The following TTC28 variants were observed in gnomAD, a reference collection of about 807,000 sequenced individuals.
TTC28 encodes the protein tetratricopeptide repeat protein 28.
Under a neutral mutation model 198.0 loss-of-function variants are expected in TTC28, and 61 were observed. That is an observed-to-expected ratio of 0.31 (90% confidence interval 0.25 to 0.38). The LOEUF (loss-of-function observed/expected upper bound fraction) is 0.38, where lower values mean the gene tolerates loss of function less well. Among genes scored for constraint, TTC28 ranks in the 10% least tolerant of loss-of-function variants. TTC28 has a pLI of 1.00. For missense variants in TTC28, 2,678 were observed against 3,164.0 expected (o/e 0.85, Z 3.69); for synonymous variants, 1,171 against 1,297.8 (o/e 0.90, Z 2.10).
chr22:28,094,316 G>A, intron 11 of TTC28, 71 bp from the exon 12 acceptor site: 1 of 1,417,650 alleles, frequency 7.1e-7, no homozygotes, highest in African/African-American at 1.4e-5. Flanking sequence ...GAAGGCAGGG[G>A]ACAGGAATGC....
intron 2 of TTC28, among the ~76,000 whole-genome samples, chr22:28,567,408 T>A (rs1239505926): frequency 1.8e-4 from 24 of 135,132 alleles, no homozygotes; most frequent in Middle Eastern, 3.7e-3. Flanking sequence ...AAGAAAAAAA[T>A]ATATATATAC....
intron 13 of TTC28, 141 bp from the exon 14 acceptor site, chr22:28,014,533 G>A (rs1317970620): frequency 1.2e-5 from 11 of 951,658 alleles, no homozygotes; most frequent in Admixed American, 6.6e-5. Context: ...TCCCAGCTCC[G>A]TTCCCTTCTC....
rs544036449 is a variant in TTC28, at chr22:28,256,119, T to A, written c.933+40079A>T. Among the ~76,000 whole-genome samples, 826 of 144,664 alleles carry A rather than the reference T, an allele frequency of 5.7e-3. 3 individuals carry two copies. Among genetic ancestry groups the A allele is most frequent in the Admixed American group, 9.9e-3 (143 of 14,420 alleles). The allele number at this position is 144,664 out of a possible 152,430, so 94.9% of individuals were successfully genotyped here. A position where few individuals can be genotyped will look rare whatever the true frequency, so the allele number is the denominator to read the frequency against. The stretch of plus-strand genomic sequence containing the variant: ...AAGGGGACACAAGGTTGAGGCCTTT[T>A]AAAAAAAAAAAAATAGTAGAGGATG... On this transcript the variant is annotated intron_variant, in intron 5 of 22. Coordinates refer to ENST00000397906, the MANE Select transcript of TTC28 (RefSeq NM_001145418.2).
chr22:28,101,452 AG>A (rs1942149815), intron 8 of TTC28, among the ~76,000 whole-genome samples, 172 bp from the exon 9 acceptor site: 1 of 152,176 alleles, frequency 6.6e-6, no homozygotes, highest in Non-Finnish European at 1.5e-5. Context: ...GCACCTCCCC[AG>A]GCTCAGGTGA....
chr22:28,246,322 T>C (rs1930092515), intron 5 of TTC28, among the ~76,000 whole-genome samples: 2 of 152,158 alleles, frequency 1.3e-5, no homozygotes, highest in South Asian at 4.1e-4. Context: ...AGTTATGATA[T>C]GCCAACACAC....
At chr22:28,501,878 T>C (rs1470032352) in intron 2 of TTC28, among the ~76,000 whole-genome samples, 2 of 152,200 alleles carry the variant, frequency 1.3e-5, no homozygotes, top group African/African-American at 2.4e-5. Flanking sequence ...ACCTGCCTAT[T>C]TGTTTTTTAT....
chr22:28,418,493 C>T (rs2047198955), intron 2 of TTC28, among the ~76,000 whole-genome samples: 1 of 152,142 alleles, frequency 6.6e-6, no homozygotes, highest in African/African-American at 2.4e-5. Flanking sequence ...TATCTAACTG[C>T]CCTTAATAAT....
chr22:28,088,582 C>T (rs557914401), intron 12 of TTC28, among the ~76,000 whole-genome samples: 8 of 151,384 alleles, frequency 5.3e-5, no homozygotes, highest in African/African-American at 1.9e-4. Flanking sequence ...CTAGGCAATA[C>T]CATTCAGGAC....
chr22:28,318,237 C>A (rs983563563), intron 2 of TTC28, among the ~76,000 whole-genome samples: 1 of 152,072 alleles, frequency 6.6e-6, no homozygotes, highest in Non-Finnish European at 1.5e-5. Flanking sequence ...ATCCCCATTA[C>A]TGCTGACTTG....
At chr22:28,635,948 C>T (rs1400617186) in intron 1 of TTC28, among the ~76,000 whole-genome samples, 1 of 151,908 alleles carries the variant, frequency 6.6e-6, no homozygotes, top group Non-Finnish European at 1.5e-5. Context: ...TAACCAATGT[C>T]ACCCCATTTC....
intron 2 of TTC28, among the ~76,000 whole-genome samples, chr22:28,554,364 GATCA>G (rs1161431024): frequency 3.6e-5 from 5 of 137,086 alleles, no homozygotes; most frequent in South Asian, 2.3e-4. Flanking sequence ...ACCCAAGAAT[GATCA>G]ATTAAAAAAA....
chr22:28,425,229 T>C (rs2047331031), intron 2 of TTC28, among the ~76,000 whole-genome samples: 1 of 152,244 alleles, frequency 6.6e-6, no homozygotes, highest in African/African-American at 2.4e-5. Context: ...GGATGTGTCA[T>C]TTAATGTAAC....
At chr22:28,536,198 C>CAAAAA (rs59506221) in intron 2 of TTC28, among the ~76,000 whole-genome samples, 7 of 64,404 alleles carry the variant, frequency 1.1e-4, no homozygotes, top group Admixed American at 4.3e-4. Context: ...GACACCGTCT[C>CAAAAA]AAAAAAAAAA....
intron 2 of TTC28, among the ~76,000 whole-genome samples, chr22:28,355,356 T>C (rs1371450891): frequency 6.6e-6 from 1 of 152,200 alleles, no homozygotes; most frequent in Non-Finnish European, 1.5e-5. Context: ...CCATCTAGCA[T>C]ATTTTACAAG....
chr22:28,289,552 T>C (rs934131675), intron 5 of TTC28, among the ~76,000 whole-genome samples: 8 of 152,136 alleles, frequency 5.3e-5, no homozygotes, highest in Non-Finnish European at 1.0e-4. Flanking sequence ...AGACAACCTA[T>C]TAAGCTATGC....
At chr22:28,364,096 T>A (rs2046205647) in intron 2 of TTC28, among the ~76,000 whole-genome samples, 1 of 152,140 alleles carries the variant, frequency 6.6e-6, no homozygotes, top group South Asian at 2.1e-4. Context: ...ATTATATGGT[T>A]TAGCTGTGTT....
At chr22:28,097,300 A>G (rs1357841785) in intron 10 of TTC28, among the ~76,000 whole-genome samples, 2 of 152,240 alleles carry the variant, frequency 1.3e-5, no homozygotes, top group Non-Finnish European at 2.9e-5. Context: ...GAAGCACTAC[A>G]TGTAAAGATG....
chr22:28,398,660 G>A (rs2046854389), intron 2 of TTC28, among the ~76,000 whole-genome samples: 1 of 152,160 alleles, frequency 6.6e-6, no homozygotes, highest in Non-Finnish European at 1.5e-5. Context: ...GAAAAAGCCT[G>A]CTGTGCCTGC....
chr22:28,544,976 G>A (rs2049505940), intron 2 of TTC28, among the ~76,000 whole-genome samples: 1 of 152,100 alleles, frequency 6.6e-6, no homozygotes, highest in Non-Finnish European at 1.5e-5. Flanking sequence ...AGCCCATGAG[G>A]GTGCTCTGCC....
Sources: gnomAD v4.1 joint callset for allele counts (sites outside exome capture counted in the v4.1 genomes callset) on GRCh38, gnomAD v4.1.1 for gene constraint, MANE v1.5 for transcripts, NCBI Gene and HGNC (gene_info 2026-07-23, HGNC 2026-07-21) for gene names.